GREB1L: variants seen among roughly 807,000 people sequenced by gnomAD.
GREB1L encodes the protein GREB1-like protein.
In GREB1L, 17 loss-of-function variants were observed where a neutral mutation model predicts 200.8. That is an observed-to-expected ratio of 0.08 (90% CI 0.06 to 0.13). GREB1L has a LOEUF of 0.13. GREB1L is among the 10% of genes least tolerant of loss of function. The pLI is 1.00. For synonymous variants in GREB1L, 789 were observed against 893.0 expected (o/e 0.88, Z 2.08); for missense variants, 1,657 against 2,367.7 (o/e 0.70, Z 6.23).
chr18:21,307,119 C>G (rs1303100218), intron 1 of GREB1L, among the ~76,000 whole-genome samples: 1 of 152,236 alleles, frequency 6.6e-6, no homozygotes, highest in African/African-American at 2.4e-5. Context: ...CCAGTCCCAA[C>G]TGTCTTCTGT....
chr18:21,375,872 TACCACCACCACCACCATC>T (rs1304289802), intron 2 of GREB1L, among the ~76,000 whole-genome samples: 3 of 151,964 alleles, frequency 2.0e-5, no homozygotes, highest in Non-Finnish European at 4.4e-5. Context: ...TGACAATAAC[TACCACCACCACCACCATC>T]ACCACCACCA....
intron 1 of GREB1L, among the ~76,000 whole-genome samples, chr18:21,248,429 C>T (rs1419732045): frequency 6.6e-6 from 1 of 152,102 alleles, no homozygotes; most frequent in Non-Finnish European, 1.5e-5. Flanking sequence ...ACTTCCAACC[C>T]CTGAGTTAAA....
At chr18:21,422,636 T>C (rs1418896025) in intron 7 of GREB1L, among the ~76,000 whole-genome samples, 1 of 152,212 alleles carries the variant, frequency 6.6e-6, no homozygotes, top group African/African-American at 2.4e-5. Context: ...TCCTCATTAA[T>C]TTTTTACTGC....
intron 1 of GREB1L, among the ~76,000 whole-genome samples, chr18:21,306,177 A>G (rs963103580): frequency 2.0e-5 from 3 of 152,198 alleles, no homozygotes; most frequent in African/African-American, 7.2e-5. Flanking sequence ...AGGTATCCCC[A>G]GTGCTTGTAA....
At chr18:21,275,113 G>A (rs1348707175) in intron 1 of GREB1L, among the ~76,000 whole-genome samples, 4 of 152,006 alleles carry the variant, frequency 2.6e-5, no homozygotes, top group East Asian at 3.9e-4. Context: ...GGTGGCACAC[G>A]CCTGTAATCC....
At chr18:21,418,646 C>T (rs1179773837) in intron 7 of GREB1L, among the ~76,000 whole-genome samples, 1 of 152,056 alleles carries the variant, frequency 6.6e-6, no homozygotes, top group Non-Finnish European at 1.5e-5. Context: ...GCCTCAGCCT[C>T]CAAGTAGCTG....
At chr18:21,387,534 G>C (rs1272740740) in intron 4 of GREB1L, 2 of 152,172 alleles carry the variant, frequency 1.3e-5, no homozygotes, top group African/African-American at 4.8e-5. Flanking sequence ...TGTAGAGTAT[G>C]AACAGGCTTA....
chr18:21,288,452 A>G (rs1409349001), intron 1 of GREB1L, among the ~76,000 whole-genome samples: 1 of 152,198 alleles, frequency 6.6e-6, no homozygotes, highest in Admixed American at 6.5e-5. Flanking sequence ...ATTAATGAAT[A>G]GTGGTAAGCG....
intron 1 of GREB1L, among the ~76,000 whole-genome samples, chr18:21,260,196 T>G (rs1204819232): frequency 6.6e-6 from 1 of 151,986 alleles, no homozygotes; most frequent in Non-Finnish European, 1.5e-5. Context: ...TTTTCAGCAA[T>G]TTTATATCAC....
intron 7 of GREB1L, among the ~76,000 whole-genome samples, chr18:21,424,129 G>A (rs1407332016): frequency 2.6e-5 from 4 of 152,168 alleles, no homozygotes; most frequent in Admixed American, 6.5e-5. Context: ...CCAAAGGGAT[G>A]TGATGTAGGG....
In GREB1L at chr18:21,526,065, C is replaced by CTT. The variant is rs1686342379; in HGVS notation, c.*3245_*3246dup. Among the ~76,000 whole-genome samples the CTT allele has an allele frequency of 6.6e-6, 1 of 152,132 alleles. No individual in the cohort carries two copies. Among genetic ancestry groups the CTT allele is most frequent in the Non-Finnish European group, 1.5e-5 (1 of 68,018 alleles). ...ACTGCTGCAACATCACACTAAACTA[C>CTT]TTAGGCCTGAAACAACATCCAGAGA... is the stretch of plus-strand genomic sequence containing the variant. On this transcript the variant is annotated 3_prime_UTR_variant, in exon 33 of 33. Transcript: ENST00000424526.
intron 7 of GREB1L, among the ~76,000 whole-genome samples, chr18:21,431,919 C>CTTTTTTTTTTTTTTTTTT (rs773523492): frequency 1.1e-3 from 98 of 91,262 alleles, no homozygotes; most frequent in Non-Finnish European, 1.4e-3. Flanking sequence ...CTTTTCTTTT[C>CTTTTTTTTTTTTTTTTTT]TTTTTTTTTT....
chr18:21,289,086 A>C (rs555600825), intron 1 of GREB1L, among the ~76,000 whole-genome samples: 9 of 152,274 alleles, frequency 5.9e-5, no homozygotes, highest in Non-Finnish European at 1.2e-4. Flanking sequence ...GTGACTGAGG[A>C]CAAGAAAATG....
intron 1 of GREB1L, among the ~76,000 whole-genome samples, chr18:21,309,327 T>C (rs951890738): frequency 3.2e-4 from 49 of 152,188 alleles, no homozygotes; most frequent in African/African-American, 1.1e-3. Context: ...GAAGACACAG[T>C]ATCAGGCATG....
chr18:21,424,299 G>A (rs2032391254), intron 7 of GREB1L, among the ~76,000 whole-genome samples: 1 of 152,176 alleles, frequency 6.6e-6, no homozygotes, highest in Non-Finnish European at 1.5e-5. Flanking sequence ...CAGGTGCAGT[G>A]GCTCAAGCCT....
intron 1 of GREB1L, among the ~76,000 whole-genome samples, chr18:21,307,478 A>G (rs1272628485): frequency 6.6e-6 from 1 of 152,222 alleles, no homozygotes; most frequent in Non-Finnish European, 1.5e-5. Context: ...GATTTTAATC[A>G]GCAATACAGA....
chr18:21,354,528 T>C (rs1368349817), intron 1 of GREB1L, among the ~76,000 whole-genome samples: 1 of 152,192 alleles, frequency 6.6e-6, no homozygotes, highest in African/African-American at 2.4e-5. Flanking sequence ...AAAACATAAT[T>C]TTTGCTTTCA....
chr18:21,390,305 A>G (rs2040742829), intron 4 of GREB1L, among the ~76,000 whole-genome samples: 1 of 150,212 alleles, frequency 6.7e-6, no homozygotes, highest in African/African-American at 2.5e-5. Flanking sequence ...AAAAAAAAAA[A>G]GTTTACTGTA....
chr18:21,447,375 A>C (rs2034284176), intron 11 of GREB1L, among the ~76,000 whole-genome samples: 1 of 152,196 alleles, frequency 6.6e-6, no homozygotes, highest in Non-Finnish European at 1.5e-5. Context: ...TTTTACTCTA[A>C]GAAGTCTCTT....
Sources: gnomAD v4.1 joint callset for allele counts (sites outside exome capture counted in the v4.1 genomes callset) on GRCh38, gnomAD v4.1.1 for gene constraint, MANE v1.5 for transcripts, NCBI Gene and HGNC (gene_info 2026-07-23, HGNC 2026-07-21) for gene names.